MICU3: variants seen among roughly 807,000 people sequenced by gnomAD.
MICU3 encodes the protein calcium uptake protein 3, mitochondrial.
MICU3 carries 62 observed loss-of-function variants against 66.5 expected under a neutral mutation model. The ratio of observed to expected loss-of-function variants is 0.93; its 90% CI spans 0.76 to 1.15. MICU3 has a LOEUF of 1.15. Ranked by LOEUF, MICU3 falls within the 50% of genes most tolerant of loss-of-function variation. MICU3 has a pLI of 0.00. For synonymous variants in MICU3, 308 were observed against 240.7 expected (o/e 1.28, Z -2.59); for missense variants, 779 against 664.4 (o/e 1.17, Z -1.90).
intron 11 of MICU3, among the ~76,000 whole-genome samples, chr8:17,112,556 G>A (rs1802302132): frequency 6.6e-6 from 1 of 151,944 alleles, no homozygotes; most frequent in Admixed American, 6.6e-5. Flanking sequence ...TAAACACAAA[G>A]TGTTTAATCT....
chr8:17,109,938 G>A (rs943587035), intron 11 of MICU3, among the ~76,000 whole-genome samples: 2 of 152,096 alleles, frequency 1.3e-5, no homozygotes, highest in Admixed American at 1.3e-4. Context: ...CTTACCTTAG[G>A]TCATTCAGCC....
chr8:17,105,417 A>G lies in MICU3; in HGVS notation c.1090A>G (p.Met364Val). The change falls in exon 11 of 15, where the codon ATG (methionine) becomes GTG (valine). Residue 364 changes from methionine (M) to valine (V), a missense_variant. By Grantham distance (21) the Met-to-Val change is conservative. Coordinates refer to ENST00000318063, the MANE Select transcript of MICU3 (RefSeq NM_181723.3). ...TTTATTACATTTTTGTCATAGATTC[A>G]TGGATAATCTCCAAACAGAAGTTCT... ...ELNFEDFYRF[M>V]DNLQTEVLEI... 6.5e-7 allele frequency: 1 copy of G among 1,529,736 alleles called. No homozygotes were observed. The highest frequency in any genetic ancestry group is 8.9e-7 in the Non-Finnish European group (1 of 1,128,716). The allele number at this position is 1,529,736 out of a possible 1,614,324, so 94.8% of individuals were successfully genotyped here.
At chr8:17,093,805 G>A (rs28437270) in intron 8 of MICU3, among the ~76,000 whole-genome samples, 12,409 of 151,594 alleles carry the variant, frequency 0.082, 1,744 homozygotes, top group African/African-American at 0.28. Flanking sequence ...TTAATGTTTT[G>A]TACTACTTAC....
chr8:17,099,923 A>G (rs1801112938), intron 9 of MICU3, among the ~76,000 whole-genome samples: 1 of 151,776 alleles, frequency 6.6e-6, no homozygotes, highest in Admixed American at 6.6e-5. Context: ...AAAATCTGCT[A>G]ATCAGATGTT....
intron 5 of MICU3, among the ~76,000 whole-genome samples, chr8:17,083,784 G>C (rs1458866178): frequency 3.3e-5 from 5 of 152,074 alleles, no homozygotes; most frequent in African/African-American, 7.2e-5. Flanking sequence ...AGGGTGCAAA[G>C]GAGTGTCTCA....
intron 1 of MICU3, among the ~76,000 whole-genome samples, 172 bp from the exon 2 acceptor site, chr8:17,063,912 T>C (rs1818267299): frequency 6.6e-6 from 1 of 152,206 alleles, no homozygotes; most frequent in Non-Finnish European, 1.5e-5. Context: ...AATATTAATT[T>C]ATTTTATTTA....
chr8:17,134,329 T>A, the MICU3 span: 2 of 152,488 alleles, frequency 1.3e-5, no homozygotes, highest in Admixed American at 1.3e-4. Context: ...ATGGTGTAAT[T>A]CTAGTCCAAA....
At chr8:17,078,194 C>T (rs181777157) in intron 4 of MICU3, among the ~76,000 whole-genome samples, 1 of 151,972 alleles carries the variant, frequency 6.6e-6, no homozygotes, top group African/African-American at 2.4e-5. Context: ...CCAAAGAAAA[C>T]ATTTCACAAA....
At chr8:17,114,988 G>A (rs866953487) in intron 12 of MICU3, among the ~76,000 whole-genome samples, 101 of 151,000 alleles carry the variant, frequency 6.7e-4, no homozygotes, top group African/African-American at 2.3e-3. Flanking sequence ...GCGTAGTGGC[G>A]GGCGCCTGTA....
At position 17,045,821 on chromosome 8, in the gene MICU3, G is replaced by A. The variant is rs562496678; in HGVS notation, c.381+18161G>A. Among the ~76,000 whole-genome samples the A allele has an allele frequency of 4.1e-4, 63 of 152,332 alleles. 1 individual carries two copies. The highest frequency in any genetic ancestry group is 1.4e-3 in the African/African-American group (59 of 41,576). ...TACATGGAGGCAGACAAGAGGGCATGTACAGGGGAACTCCCCTTTATAAAA... is the reference window on the plus strand; with the variant it reads ...TACATGGAGGCAGACAAGAGGGCATATACAGGGGAACTCCCCTTTATAAAA... On this transcript the variant is annotated intron_variant, in intron 1 of 14. Transcript: ENST00000318063.
At chr8:17,053,260 G>T (rs1022105413) in intron 1 of MICU3, among the ~76,000 whole-genome samples, 2 of 152,104 alleles carry the variant, frequency 1.3e-5, no homozygotes, top group Non-Finnish European at 2.9e-5. Flanking sequence ...CTCTTTTAGG[G>T]TATTATCAGC....
At position 17,105,580 on chromosome 8, in the gene MICU3, A is replaced by T; in HGVS notation, c.1253A>T (p.Glu418Val). The T allele has an allele frequency of 6.6e-7, 1 of 1,511,480 alleles. No individual in the cohort carries two copies. The highest frequency in any genetic ancestry group is 1.3e-5 in the South Asian group (1 of 77,850). 93.6% of individuals were successfully genotyped at this position (1,511,480 alleles called of 1,614,324 possible). ...AATGTGCGTTACAGTATACCTGAAGAAAAGGTATCTAATCCTCATATTTAG... is the reference window on the plus strand; with the variant it reads ...AATGTGCGTTACAGTATACCTGAAGTAAAGGTATCTAATCCTCATATTTAG... ...LENVRYSIPE[E>V]KGITFDEFRS... The change falls in exon 11 of 15, where the codon GAA becomes GTA. Residue 418 changes from glutamate (E) to valine (V), a missense_variant. Physicochemically the swap from Glu to Val is moderately radical, Grantham distance 121. Transcript: ENST00000318063.
downstream of MICU3, among the ~76,000 whole-genome samples, chr8:17,127,238 G>T (rs1293970265): frequency 6.6e-6 from 1 of 152,114 alleles, no homozygotes; most frequent in Non-Finnish European, 1.5e-5. Flanking sequence ...TTGCTCTTTG[G>T]TGCTAAGAGT....
rs1803205736 is a variant in MICU3 at position 17,121,653 on chromosome 8, T to TAA, written c.*1367_*1368dup. On this transcript the variant is annotated 3_prime_UTR_variant, in exon 15 of 15. Coordinates refer to ENST00000318063, the MANE Select transcript of MICU3 (RefSeq NM_181723.3). ...CTAGAAAACACTGACTTTGTTTTTA[T>TAA]AAGTTATTAAATGTGAAATTGATCT... 6.6e-6 allele frequency: 1 copy of TAA among 152,310 alleles called. No homozygotes were observed. The highest frequency in any genetic ancestry group is 2.4e-5 in the African/African-American group (1 of 41,466). The allele number at this position is 152,310 out of a possible 1,614,324, so 9.4% of individuals were successfully genotyped here. A position where few individuals can be genotyped will look rare whatever the true frequency, so the allele number is the denominator to read the frequency against.
At chr8:17,126,185 A>G (rs1355735048), downstream of MICU3, among the ~76,000 whole-genome samples, 1 of 152,008 alleles carries the variant, frequency 6.6e-6, no homozygotes, top group Non-Finnish European at 1.5e-5. Context: ...ATTCCTTCTT[A>G]TAGTACAACC....
At chr8:17,050,338 A>G (rs1815851031) in intron 1 of MICU3, among the ~76,000 whole-genome samples, 2 of 151,614 alleles carry the variant, frequency 1.3e-5, no homozygotes, top group Non-Finnish European at 2.9e-5. Context: ...TTAATATTAT[A>G]TTTAGGAAAT....
At chr8:17,095,045 ATTT>A (rs1358382073) in intron 8 of MICU3, among the ~76,000 whole-genome samples, 4 of 152,002 alleles carry the variant, frequency 2.6e-5, no homozygotes, top group Non-Finnish European at 5.9e-5. Flanking sequence ...TTTGACTATT[ATTT>A]TAAGAGTAAA....
intron 1 of MICU3, among the ~76,000 whole-genome samples, chr8:17,048,433 C>G (rs1815474210): frequency 6.6e-6 from 1 of 152,142 alleles, no homozygotes; most frequent in African/African-American, 2.4e-5. Flanking sequence ...GGGAACGCCC[C>G]TTTATATAAA....
intron 1 of MICU3, among the ~76,000 whole-genome samples, chr8:17,039,005 A>G (rs1048702539): frequency 2.0e-5 from 3 of 151,912 alleles, no homozygotes; most frequent in African/African-American, 7.2e-5. Flanking sequence ...AGAAATTGAC[A>G]CAGCCACCTC....
Sources: allele counts gnomAD v4.1 joint callset (sites outside exome capture counted in the v4.1 genomes callset), GRCh38; gene constraint gnomAD v4.1.1; transcripts MANE v1.5; gene names NCBI Gene and HGNC (gene_info 2026-07-23, HGNC 2026-07-21).